Variants in NIPSNAP3B observed in about 807,000 individuals in gnomAD.
NIPSNAP3B encodes protein NipSnap homolog 3B.
Under a neutral mutation model 31.5 loss-of-function variants are expected in NIPSNAP3B, and 30 were observed. That is an observed-to-expected ratio of 0.95 (90% CI 0.71 to 1.29). The LOEUF is 1.29. Ranked by LOEUF, NIPSNAP3B falls within the 50% of genes most tolerant of loss-of-function variation. The probability of loss-of-function intolerance (pLI) is 0.00; values close to 1 mark genes in which losing one functional copy is unlikely to be tolerated. For missense variants in NIPSNAP3B, 269 were observed against 300.7 expected, an observed-to-expected ratio of 0.89 and a Z score of 0.78; for synonymous variants, 106 against 107.9, an observed-to-expected ratio of 0.98 and a Z score of 0.11.
At chr9:104,790,414 G>A in the NIPSNAP3B span, among the ~76,000 whole-genome samples, 34,980 of 151,986 alleles carry the variant, frequency 0.23, 6,041 homozygotes, top group African/African-American at 0.48. Flanking sequence ...TACATAGGGG[G>A]ATTTTATGTA....
the NIPSNAP3B span, chr9:104,788,712 G>T: frequency 9.2e-7 from 1 of 1,089,932 alleles, no homozygotes; most frequent in Non-Finnish European, 1.4e-6. Context: ...CAGCCTTTCT[G>T]CCCCCAGGAT....
At chr9:104,764,407 C>T (rs1365448247) in intron 1 of NIPSNAP3B, 107 bp downstream of exon 1, 3 of 945,934 alleles carry the variant, frequency 3.2e-6, no homozygotes, top group East Asian at 3.0e-5. Context: ...GACCTGGGGC[C>T]CCGCGCCGCC....
In NIPSNAP3B at chr9:104,775,659, C is replaced by T. The variant is rs1828320440; in HGVS notation, c.*2586C>T. 6.6e-6 allele frequency among the ~76,000 whole-genome samples: 1 copy of T among 152,178 alleles called. No homozygotes were observed. The highest frequency in any genetic ancestry group is 6.5e-5 in the Admixed American group (1 of 15,278). ...GTGAATTTGAATTCCAGGCTCATCA[C>T]ATCCAGGTGTGTTCCCCACACCTCC... On this transcript the variant is annotated 3_prime_UTR_variant, in exon 6 of 6. Coordinates refer to ENST00000374762, the MANE Select transcript of NIPSNAP3B (RefSeq NM_018376.4).
rs1387786384 is a variant in NIPSNAP3B at position 104,769,014 on chromosome 9, A to T, written c.423A>T (p.Pro141=). 2 of 1,612,038 alleles carry T rather than the reference A, an allele frequency of 1.2e-6. No homozygotes were observed. The highest frequency in any genetic ancestry group is 2.7e-5 in the African/African-American group (2 of 74,748). The change falls in exon 3 of 6, where the codon CCA becomes CCT. Residue 141 remains proline (P), a synonymous_variant. Transcript: ENST00000374762. ...CATGGTCCAAATTAGAAAAGCCTCC[A>T]AAAGAAGGTGAGTTCTTCCCTCTTA... is the stretch of plus-strand genomic sequence containing the variant. The part of the protein sequence containing the change: ...LIPWSKLEKP[P]KEGVYELAVF...
rs775295796 is a variant in NIPSNAP3B, at chr9:104,772,824, C to G, written c.583C>G (p.His195Asp). 6.2e-7 allele frequency: 1 copy of G among 1,612,210 alleles called. No homozygotes were observed. Among genetic ancestry groups the G allele is most frequent in the Admixed American group, 1.7e-5 (1 of 59,742 alleles). ...HTEYGELNRV[H>D]VLWWNESADS... ...CTACTTGTGGTTTATTTCTGCAGTT[C>G]ATGTTCTTTGGTGGAATGAGAGTGC... Residue 195 changes from histidine (H) to aspartate (D), a missense_variant and splice_region_variant, in exon 5 of 6, where the codon CAT becomes GAT. His to Asp is a moderately conservative substitution (Grantham distance 81). Coordinates refer to ENST00000374762, the MANE Select transcript of NIPSNAP3B (RefSeq NM_018376.4).
In NIPSNAP3B at chr9:104,772,993, C is replaced by T; in HGVS notation, c.668-4C>T. On this transcript the variant is annotated splice_polypyrimidine_tract_variant and splice_region_variant and intron_variant, in intron 5 of 5. Transcript: ENST00000374762. ...GTATGCCTTCTTATGAAATGTTTTT[C>T]CAGTTCGGGAAAGTGTCAACTACCT... 1 of 1,614,074 alleles carries T rather than the reference C, an allele frequency of 6.2e-7. No individual in the cohort carries two copies. The highest frequency in any genetic ancestry group is 2.2e-5 in the East Asian group (1 of 44,874).
intron 4 of NIPSNAP3B, among the ~76,000 whole-genome samples, chr9:104,771,930 G>A (rs376888971): frequency 3.3e-5 from 5 of 152,246 alleles, no homozygotes; most frequent in Admixed American, 2.0e-4. Context: ...TCTGACTGGT[G>A]TGAGATGGTA....
rs1564059541 is a variant in NIPSNAP3B at position 104,773,120 on chromosome 9, TCTG to T, written c.*50_*52del. The T allele has an allele frequency of 6.4e-7, 1 of 1,566,282 alleles. No homozygotes were observed. Among genetic ancestry groups the T allele is most frequent in the East Asian group, 2.2e-5 (1 of 44,670 alleles). On this transcript the variant is annotated 3_prime_UTR_variant, in exon 6 of 6. Coordinates refer to ENST00000374762, the MANE Select transcript of NIPSNAP3B (RefSeq NM_018376.4). ...ATTTCATTAACTGCTCTAAGATGTG[TCTG>T]CTAATGGTGCTTAAATTCTCCCAAG...
At chr9:104,785,784 A>T in the NIPSNAP3B span, 1 of 884,290 alleles carries the variant, frequency 1.1e-6, no homozygotes, top group Non-Finnish European at 1.8e-6. Flanking sequence ...GGAACCAGTT[A>T]TCATTTACTA....
Position 104,773,274 on chromosome 9 carries a change from A to C in NIPSNAP3B, c.*201A>C. On this transcript the variant is annotated 3_prime_UTR_variant, in exon 6 of 6. Transcript: ENST00000374762. ...TAATTCAGTTCACTTTCACCTTGGC[A>C]TTTCAGTATCTGTTACACATTAGAA... 1 of 582,886 alleles carries C rather than the reference A, an allele frequency of 1.7e-6. No homozygotes were observed. The highest frequency in any genetic ancestry group is 3.2e-5 in the Admixed American group (1 of 31,474). 36.1% of individuals were successfully genotyped at this position (582,886 alleles called of 1,614,324 possible). A position where few individuals can be genotyped will look rare whatever the true frequency, so the allele number is the denominator to read the frequency against.
At position 104,775,633 on chromosome 9, in the gene NIPSNAP3B, T is replaced by A. The variant is rs761966579; in HGVS notation, c.*2560T>A. 7.2e-5 allele frequency among the ~76,000 whole-genome samples: 11 copies of A among 152,186 alleles called. No individual in the cohort carries two copies. The highest frequency in any genetic ancestry group is 8.8e-5 in the Non-Finnish European group (6 of 68,036). On this transcript the variant is annotated 3_prime_UTR_variant, in exon 6 of 6. Coordinates refer to ENST00000374762, the MANE Select transcript of NIPSNAP3B (RefSeq NM_018376.4). ...CTGAATCTTTTTTCAAATTCACACA[T>A]GTGAATTTGAATTCCAGGCTCATCA... is the stretch of plus-strand genomic sequence containing the variant.
chr9:104,782,616 TTTG>T (rs1171825530), downstream of NIPSNAP3B: 1 of 152,134 alleles, frequency 6.6e-6, no homozygotes, highest in African/African-American at 2.4e-5. Flanking sequence ...TATGGAAGTA[TTTG>T]TTGTTTTTAT....
the NIPSNAP3B span, chr9:104,787,015 A>G: frequency 9.2e-6 from 14 of 1,526,766 alleles, no homozygotes; most frequent in East Asian, 1.1e-4. Context: ...TGCTGGGGGG[A>G]AAAAAAATCA....
chr9:104,778,474 G>A (rs757860847), downstream of NIPSNAP3B, among the ~76,000 whole-genome samples: 14 of 152,098 alleles, frequency 9.2e-5, no homozygotes, highest in East Asian at 7.7e-4. Flanking sequence ...TGATCCACCC[G>A]TCTCGGCCTC....
chr9:104,790,426 C>G, the NIPSNAP3B span, among the ~76,000 whole-genome samples: 75 of 152,186 alleles, frequency 4.9e-4, no homozygotes, highest in South Asian at 8.3e-4. Context: ...TTTTATGTAG[C>G]AATGTAAAAT....
In NIPSNAP3B at chr9:104,777,225, G is replaced by A. The variant is rs1314600744; in HGVS notation, c.*4152G>A. ...ATGCCACTTGTAGACTCAAACTCTG[G>A]ACTTCATTCTCAGCACCATCTCTTA... On this transcript the variant is annotated 3_prime_UTR_variant, in exon 6 of 6. Transcript: ENST00000374762. 1 of 152,216 alleles carries A rather than the reference G, an allele frequency of 6.6e-6. No homozygotes were observed. Among genetic ancestry groups the A allele is most frequent in the East Asian group, 1.9e-4 (1 of 5,194 alleles). The allele number at this position is 152,216 out of a possible 1,614,324, so 9.4% of individuals were successfully genotyped here. A position where few individuals can be genotyped will look rare whatever the true frequency, so the allele number is the denominator to read the frequency against.
chr9:104,785,431 C>T, the NIPSNAP3B span: 2 of 1,614,060 alleles, frequency 1.2e-6, no homozygotes, highest in Non-Finnish European at 1.7e-6. Flanking sequence ...GAGTAGTCTT[C>T]TATGTGGAGT....
At chr9:104,779,621 GT>G (rs11432680), downstream of NIPSNAP3B, among the ~76,000 whole-genome samples, 45,323 of 147,160 alleles carry the variant, frequency 0.31, 6,969 homozygotes, top group East Asian at 0.53. Flanking sequence ...AGCTAAGTGG[GT>G]TTTTTTTTTT....
the NIPSNAP3B span, chr9:104,784,571 T>G: frequency 8.3e-7 from 1 of 1,210,506 alleles, no homozygotes; most frequent in Non-Finnish European, 1.2e-6. Context: ...CAGAATTACA[T>G]AAATGGATTA....
Sources: gnomAD v4.1 joint callset for allele counts (sites outside exome capture counted in the v4.1 genomes callset) on GRCh38, gnomAD v4.1.1 for gene constraint, MANE v1.5 for transcripts, NCBI Gene and HGNC (gene_info 2026-07-23, HGNC 2026-07-21) for gene names.